Variants in GPC5 observed in about 807,000 individuals in gnomAD.
GPC5 encodes the protein glypican 5, also known as glypican-5.
GPC5 carries 47 observed loss-of-function variants against 53.9 expected under a neutral mutation model. That is an observed-to-expected ratio of 0.87 (90% confidence interval 0.69 to 1.11). The LOEUF (loss-of-function observed/expected upper bound fraction) is 1.11. GPC5 is among the 50% of genes most tolerant of loss of function. GPC5 has a pLI of 0.00. For synonymous variants in GPC5, 286 were observed against 263.3 expected (o/e 1.09, Z -0.84); for missense variants, 748 against 713.1 (o/e 1.05, Z -0.56).
chr13:91,742,154 G>T (rs184527971), intron 4 of GPC5, among the ~76,000 whole-genome samples: 1 of 152,210 alleles, frequency 6.6e-6, no homozygotes, highest in East Asian at 1.9e-4. Flanking sequence ...CCAGAGTCAA[G>T]ACCTACATGA....
At chr13:92,313,395 G>A (rs192193407) in intron 7 of GPC5, among the ~76,000 whole-genome samples, 32 of 152,286 alleles carry the variant, frequency 2.1e-4, no homozygotes. Flanking sequence ...AAGCCACATA[G>A]TGTCTGAATT....
chr13:91,727,029 G>A (rs932967453), intron 3 of GPC5, among the ~76,000 whole-genome samples: 3 of 152,180 alleles, frequency 2.0e-5, no homozygotes, highest in African/African-American at 7.2e-5. Flanking sequence ...AATGCACAGT[G>A]TAGTTGCTAG....
At chr13:92,624,855 G>A (rs1243103851) in intron 7 of GPC5, among the ~76,000 whole-genome samples, 4 of 152,158 alleles carry the variant, frequency 2.6e-5, no homozygotes, top group African/African-American at 9.7e-5. Context: ...GGCTTACTAT[G>A]CAAATATCCT....
chr13:91,511,661 A>G (rs1885234298), intron 2 of GPC5, among the ~76,000 whole-genome samples: 1 of 151,914 alleles, frequency 6.6e-6, no homozygotes. Context: ...CTATTGTATG[A>G]ATTCTTCATT....
intron 7 of GPC5, among the ~76,000 whole-genome samples, chr13:92,834,127 G>A (rs1053735748): frequency 2.0e-5 from 3 of 152,124 alleles, no homozygotes; most frequent in African/African-American, 4.8e-5. Context: ...GCGAGACTCC[G>A]TGATTGATTG....
chr13:92,582,043 C>A (rs188109894), intron 7 of GPC5, among the ~76,000 whole-genome samples: 8 of 152,144 alleles, frequency 5.3e-5, no homozygotes, highest in Admixed American at 1.3e-4. Flanking sequence ...TATGCAGAAG[C>A]TTTTTAGTTT....
In GPC5 at chr13:91,906,906, T is replaced by G. The variant is rs142997027; in HGVS notation, c.1281-1031T>G. On this transcript the variant is annotated intron_variant, in intron 5 of 7. Coordinates refer to ENST00000377067, the MANE Select transcript of GPC5 (RefSeq NM_004466.6). ...TACTTAGAAAATATTTTGCAGATTTTAGTTGCTTAAAAATTTGATTATTTA... is the reference window on the plus strand; with the variant it reads ...TACTTAGAAAATATTTTGCAGATTTGAGTTGCTTAAAAATTTGATTATTTA... Among the ~76,000 whole-genome samples, 14 of 151,778 alleles carry G rather than the reference T, an allele frequency of 9.2e-5. No individual in the cohort carries two copies. In the East Asian group the frequency reaches 2.7e-3, roughly 29 times the overall value.
rs116316767 is a variant in GPC5 at position 92,773,669 on chromosome 13, T to C, written c.1562-92613T>C. On this transcript the variant is annotated intron_variant, in intron 7 of 7. Transcript: ENST00000377067. Reference sequence around the variant, plus strand: ...AATTGTCTTAGGAAAATTGCAACGATGTACTAACTAGTTTTCTTGCCACTT... The same window carrying C: ...AATTGTCTTAGGAAAATTGCAACGACGTACTAACTAGTTTTCTTGCCACTT... 6.4e-3 allele frequency among the ~76,000 whole-genome samples: 978 copies of C among 152,300 alleles called. 10 individuals are homozygous for C. Among genetic ancestry groups the C allele is most frequent in the African/African-American group, 0.023 (937 of 41,558 alleles).
intron 6 of GPC5, among the ~76,000 whole-genome samples, chr13:91,942,066 T>C (rs534005931): frequency 1.3e-5 from 2 of 152,210 alleles, no homozygotes; most frequent in Admixed American, 1.3e-4. Flanking sequence ...GATAAGAACA[T>C]TTAAGATCTA....
intron 7 of GPC5, among the ~76,000 whole-genome samples, chr13:92,413,459 A>G (rs1269476254): frequency 2.6e-5 from 4 of 152,222 alleles, no homozygotes; most frequent in African/African-American, 7.2e-5. Context: ...TATAAGAACA[A>G]TGTGTACACT....
chr13:91,591,158 ATTC>A (rs1318128049), intron 2 of GPC5, among the ~76,000 whole-genome samples: 10 of 152,186 alleles, frequency 6.6e-5, no homozygotes, highest in Non-Finnish European at 2.9e-5. Flanking sequence ...TCAACCTTCT[ATTC>A]TTCTATTGCA....
At chr13:91,906,618 G>A (rs1566334702) in intron 5 of GPC5, among the ~76,000 whole-genome samples, 1 of 151,988 alleles carries the variant, frequency 6.6e-6, no homozygotes. Context: ...AGCATTATGA[G>A]GACAAAAATT....
At chr13:92,835,638 C>A (rs949635065) in intron 7 of GPC5, among the ~76,000 whole-genome samples, 3 of 151,898 alleles carry the variant, frequency 2.0e-5, no homozygotes, top group Non-Finnish European at 4.4e-5. Context: ...CACTGTGTAA[C>A]ATATTGCAAC....
chr13:91,809,406 C>T (rs779097938), intron 5 of GPC5, among the ~76,000 whole-genome samples: 5 of 152,110 alleles, frequency 3.3e-5, no homozygotes, highest in Non-Finnish European at 7.4e-5. Context: ...GTTTGACTAA[C>T]AAGTAAGTGA....
intron 6 of GPC5, among the ~76,000 whole-genome samples, chr13:92,107,389 A>G (rs2041518550): frequency 6.6e-6 from 1 of 151,934 alleles, no homozygotes; most frequent in African/African-American, 2.4e-5. Flanking sequence ...GTTTCTTGTG[A>G]TATGCCTAGG....
chr13:91,756,698 AT>A (rs2037300576), intron 5 of GPC5, among the ~76,000 whole-genome samples: 1 of 129,584 alleles, frequency 7.7e-6, no homozygotes, highest in African/African-American at 2.8e-5. Context: ...AACACCGTTT[AT>A]TTTTTATCCA....
At chr13:91,734,155 C>A (rs1382334080) in intron 4 of GPC5, among the ~76,000 whole-genome samples, 2 of 151,206 alleles carry the variant, frequency 1.3e-5, no homozygotes, top group African/African-American at 4.9e-5. Flanking sequence ...GTTGAACCAG[C>A]CTTGCATCCC....
intron 4 of GPC5, among the ~76,000 whole-genome samples, chr13:91,748,993 C>T (rs1005484092): frequency 3.3e-5 from 5 of 151,658 alleles, no homozygotes; most frequent in African/African-American, 4.8e-5. Flanking sequence ...GGGAAAGAGT[C>T]GAGCGCTCTT....
chr13:91,472,688 C>T (rs1882703014), intron 2 of GPC5, among the ~76,000 whole-genome samples: 1 of 152,124 alleles, frequency 6.6e-6, no homozygotes. Context: ...ATTAAATCAG[C>T]ATCTGAAAAT....
Sources: gnomAD v4.1 joint callset for allele counts (sites outside exome capture counted in the v4.1 genomes callset) on GRCh38, gnomAD v4.1.1 for gene constraint, MANE v1.5 for transcripts, NCBI Gene and HGNC (gene_info 2026-07-23, HGNC 2026-07-21) for gene names.